The following PLD5 variants were observed in gnomAD, a reference collection of about 807,000 sequenced individuals.
PLD5 encodes phospholipase D family member 5.
Under a neutral mutation model 61.1 loss-of-function variants are expected in PLD5, and 36 were observed. The ratio of observed to expected loss-of-function variants is 0.59; its 90% CI spans 0.45 to 0.78. The LOEUF is 0.78. Ranked by LOEUF, PLD5 falls within the 30% of genes least tolerant of loss-of-function variation. PLD5 has a pLI of 0.00. For missense variants in PLD5, 515 were observed against 644.4 expected (o/e 0.80, Z 2.17); for synonymous variants, 243 against 242.8 (o/e 1.00, Z -0.01).
intron 1 of PLD5, among the ~76,000 whole-genome samples, chr1:242,517,599 T>C (rs527800196): frequency 6.6e-6 from 1 of 152,328 alleles, no homozygotes; most frequent in South Asian, 2.1e-4. Context: ...TTAAGTATAC[T>C]TTATCATCTA....
At chr1:242,202,886 C>A (rs1157632767) in intron 5 of PLD5, among the ~76,000 whole-genome samples, 2 of 152,094 alleles carry the variant, frequency 1.3e-5, no homozygotes, top group African/African-American at 4.8e-5. Flanking sequence ...ATTCTGAAAC[C>A]AGCCTGTGGG....
chr1:242,447,355 A>G (rs2102918208), intron 1 of PLD5, among the ~76,000 whole-genome samples: 1 of 152,318 alleles, frequency 6.6e-6, no homozygotes, highest in South Asian at 2.1e-4. Context: ...GATCCTGGGT[A>G]AGAAAACTGA....
intron 2 of PLD5, among the ~76,000 whole-genome samples, chr1:242,334,163 G>A (rs1659364867): frequency 6.6e-6 from 1 of 152,126 alleles, no homozygotes; most frequent in African/African-American, 2.4e-5. Flanking sequence ...GAAATCCAGA[G>A]AGAAGCCCAG....
chr1:242,229,535 A>G (rs1269590609), intron 4 of PLD5, among the ~76,000 whole-genome samples: 1 of 152,162 alleles, frequency 6.6e-6, no homozygotes, highest in East Asian at 1.9e-4. Context: ...GGATCTATAG[A>G]TCAATTTGGG....
At chr1:242,315,813 C>T (rs1404982120) in intron 2 of PLD5, among the ~76,000 whole-genome samples, 1 of 152,154 alleles carries the variant, frequency 6.6e-6, no homozygotes, top group Non-Finnish European at 1.5e-5. Flanking sequence ...GTTATGATGG[C>T]ATAAAGCACA....
intron 5 of PLD5, among the ~76,000 whole-genome samples, chr1:242,217,522 G>C (rs1170948700): frequency 1.3e-5 from 2 of 151,314 alleles, no homozygotes; most frequent in East Asian, 3.8e-4. Context: ...TACTTGGGAG[G>C]CTGAGGCAGG....
At chr1:242,354,838 G>A (rs1284667910) in intron 1 of PLD5, among the ~76,000 whole-genome samples, 2 of 151,684 alleles carry the variant, frequency 1.3e-5, no homozygotes, top group Non-Finnish European at 2.9e-5. Context: ...ACCATGAAAG[G>A]ATGTTAAATT....
chr1:242,246,427 A>T (rs1411552534), intron 4 of PLD5, among the ~76,000 whole-genome samples: 1 of 149,924 alleles, frequency 6.7e-6, no homozygotes, highest in Non-Finnish European at 1.5e-5. Context: ...ACATATTCCC[A>T]CTCCAGAATC....
At chr1:242,475,410 G>C (rs1253377010) in intron 1 of PLD5, among the ~76,000 whole-genome samples, 6 of 118,296 alleles carry the variant, frequency 5.1e-5, no homozygotes, top group Non-Finnish European at 8.2e-5. Flanking sequence ...GCGACAGAGC[G>C]AGACTCCGTC....
intron 2 of PLD5, among the ~76,000 whole-genome samples, chr1:242,305,996 G>A (rs193036869): frequency 1.3e-4 from 20 of 152,234 alleles, no homozygotes; most frequent in African/African-American, 2.4e-4. Flanking sequence ...CAAAGGACCC[G>A]CCACCTGGAC....
chr1:242,155,272 A>G (rs900810644), intron 5 of PLD5, among the ~76,000 whole-genome samples: 14 of 151,780 alleles, frequency 9.2e-5, no homozygotes, highest in Non-Finnish European at 1.3e-4. Flanking sequence ...TAGTTTATCT[A>G]TTTTGCTGAT....
chr1:242,187,250 C>T (rs970897099), intron 5 of PLD5, among the ~76,000 whole-genome samples: 4 of 152,176 alleles, frequency 2.6e-5, no homozygotes, highest in Non-Finnish European at 4.4e-5. Context: ...TTCTCACTGC[C>T]TGCTACCTGG....
At chr1:242,222,060 C>T (rs367855025) in intron 4 of PLD5, among the ~76,000 whole-genome samples, 2 of 152,222 alleles carry the variant, frequency 1.3e-5, no homozygotes, top group African/African-American at 4.8e-5. Flanking sequence ...CCATTCATCT[C>T]TGAGGTTTCT....
intron 1 of PLD5, among the ~76,000 whole-genome samples, chr1:242,483,817 C>A (rs1470934361): frequency 3.9e-5 from 6 of 152,194 alleles, no homozygotes; most frequent in African/African-American, 7.2e-5. Flanking sequence ...AAGTAAAGCA[C>A]TCCTTAGCAA....
At chr1:242,164,582 T>TTTAACATGTAGA (rs1365356355) in intron 5 of PLD5, among the ~76,000 whole-genome samples, 1 of 152,108 alleles carries the variant, frequency 6.6e-6, no homozygotes, top group African/African-American at 2.4e-5. Context: ...ATTTATCTGT[T>TTTAACATGTAGA]TTAACATGTA....
intron 5 of PLD5, among the ~76,000 whole-genome samples, chr1:242,171,443 A>C (rs1666738950): frequency 6.6e-6 from 1 of 152,212 alleles, no homozygotes; most frequent in African/African-American, 2.4e-5. Context: ...AAACATACCA[A>C]ATTGTAAAGA....
chr1:242,257,294 C>A (rs1406354551), intron 4 of PLD5, among the ~76,000 whole-genome samples: 6 of 152,076 alleles, frequency 3.9e-5, no homozygotes, highest in African/African-American at 1.2e-4. Flanking sequence ...ATAGGTGGCA[C>A]AGACTAAGCT....
At chr1:242,390,769 G>A (rs1220974419) in intron 1 of PLD5, among the ~76,000 whole-genome samples, 1 of 152,148 alleles carries the variant, frequency 6.6e-6, no homozygotes, top group African/African-American at 2.4e-5. Flanking sequence ...CCTGCAGGAA[G>A]ACTATGTTCT....
At chr1:242,143,106 C>T (rs1664297680) in intron 5 of PLD5, among the ~76,000 whole-genome samples, 1 of 150,358 alleles carries the variant, frequency 6.7e-6, no homozygotes, top group South Asian at 2.1e-4. Flanking sequence ...CCGCTCACTG[C>T]AACCTCCATC....
Sources: gnomAD v4.1 joint callset for allele counts (sites outside exome capture counted in the v4.1 genomes callset) on GRCh38, gnomAD v4.1.1 for gene constraint, MANE v1.5 for transcripts, NCBI Gene and HGNC (gene_info 2026-07-23, HGNC 2026-07-21) for gene names.